The following TBC1D14 variants were observed in gnomAD, a reference collection of about 807,000 sequenced individuals.
TBC1D14 encodes TBC1 domain family, member 14.
Under a neutral mutation model 79.0 loss-of-function variants are expected in TBC1D14, and 26 were observed. The ratio of observed to expected loss-of-function variants is 0.33; its 90% CI spans 0.24 to 0.46. The LOEUF (loss-of-function observed/expected upper bound fraction) is 0.46. Ranked by LOEUF, TBC1D14 falls within the 20% of genes least tolerant of loss-of-function variation. The probability of loss-of-function intolerance (pLI) is 1.00; values close to 1 mark genes in which losing one functional copy is unlikely to be tolerated. For missense variants in TBC1D14, 769 were observed against 887.6 expected (o/e 0.87, Z 1.70); for synonymous variants, 394 against 349.9 (o/e 1.13, Z -1.40).
intron 12 of TBC1D14, among the ~76,000 whole-genome samples, chr4:7,021,443 TA>T (rs1228113143): frequency 3.3e-5 from 5 of 152,008 alleles, no homozygotes. Context: ...ACAAATAACT[TA>T]AAAATTAGCC....
At chr4:7,000,659 A>T (rs1719575320) in intron 6 of TBC1D14, among the ~76,000 whole-genome samples, 1 of 152,196 alleles carries the variant, frequency 6.6e-6, no homozygotes, top group Non-Finnish European at 1.5e-5. Flanking sequence ...AGAACTTGCC[A>T]GCTCACATCT....
chr4:6,969,888 A>G (rs775955651), intron 3 of TBC1D14, among the ~76,000 whole-genome samples: 9 of 152,160 alleles, frequency 5.9e-5, no homozygotes, highest in Non-Finnish European at 1.0e-4. Context: ...GAGTCATTCA[A>G]TCCTGCCCGG....
intron 2 of TBC1D14, among the ~76,000 whole-genome samples, chr4:6,957,959 T>TTA (rs33914152): frequency 6.6e-6 from 1 of 151,548 alleles, no homozygotes; most frequent in Non-Finnish European, 1.5e-5. Context: ...TTTTTTTTTT[T>TTA]ATGGGCTGTT....
intron 2 of TBC1D14, among the ~76,000 whole-genome samples, chr4:6,964,078 G>A (rs566616244): frequency 7.2e-5 from 11 of 152,276 alleles, no homozygotes; most frequent in Admixed American, 4.6e-4. Context: ...TTACAGGTGT[G>A]AGCCACCGTG....
At chr4:6,973,632 T>C (rs1433222624) in intron 3 of TBC1D14, among the ~76,000 whole-genome samples, 7 of 151,954 alleles carry the variant, frequency 4.6e-5, no homozygotes, top group Non-Finnish European at 7.4e-5. Flanking sequence ...TACCACTGGA[T>C]TGGTACTGAG....
chr4:7,025,197 G>A lies in TBC1D14; in HGVS notation c.1951G>A (p.Ala651Thr), dbSNP rs1274993536. Residue 651 changes from alanine to threonine, a missense_variant, in exon 13 of 14, where the codon GCC becomes ACC. This residue lies in a region of TBC1D14 where 367 missense variants were observed against 494.4 expected (regional missense o/e 0.74). Transcript: ENST00000409757. The part of the protein sequence containing the change: ...FLTRLPEDLP[A>T]EELFASIATI... The stretch of plus-strand genomic sequence containing the variant: ...GACCCGGCTGCCCGAGGACCTGCCC[G>A]CCGAGGAGCTGTTTGCCTCCATCGC... The A allele has an allele frequency of 5.0e-6, 8 of 1,614,074 alleles. No homozygotes were observed. The highest frequency in any genetic ancestry group is 2.2e-5 in the East Asian group (1 of 44,892).
At chr4:6,991,616 G>A (rs1000303443) in intron 3 of TBC1D14, among the ~76,000 whole-genome samples, 2 of 152,160 alleles carry the variant, frequency 1.3e-5, no homozygotes, top group African/African-American at 4.8e-5. Context: ...ACAGCTTTGC[G>A]CTGGTGAGGT....
At chr4:6,988,245 C>G (rs2109125971) in intron 3 of TBC1D14, among the ~76,000 whole-genome samples, 1 of 152,354 alleles carries the variant, frequency 6.6e-6, no homozygotes, top group Non-Finnish European at 1.5e-5. Flanking sequence ...GTTTCGTGCC[C>G]TTTTCCACAA....
intron 3 of TBC1D14, among the ~76,000 whole-genome samples, chr4:6,984,659 T>C (rs966898260): frequency 6.6e-6 from 1 of 152,254 alleles, no homozygotes; most frequent in African/African-American, 2.4e-5. Flanking sequence ...GATGGTTTCA[T>C]GTCTGCCCTC....
At chr4:7,013,686 C>T (rs1332574624) in intron 11 of TBC1D14, among the ~76,000 whole-genome samples, 2 of 151,508 alleles carry the variant, frequency 1.3e-5, no homozygotes, top group African/African-American at 2.4e-5. Flanking sequence ...AGACATGAGT[C>T]GTGTAGCCCC....
At chr4:6,942,135 A>G (rs183381373) in intron 2 of TBC1D14, among the ~76,000 whole-genome samples, 7 of 152,364 alleles carry the variant, frequency 4.6e-5, no homozygotes, top group Admixed American at 3.3e-4. Context: ...TCATAGAATA[A>G]TGCAGTAATT....
chr4:7,023,848 C>T (rs986007688), intron 12 of TBC1D14, among the ~76,000 whole-genome samples: 4 of 152,238 alleles, frequency 2.6e-5, no homozygotes, highest in Non-Finnish European at 5.9e-5. Flanking sequence ...GCCCGGTGTG[C>T]GCCCAGCTTC....
intron 12 of TBC1D14, among the ~76,000 whole-genome samples, chr4:7,015,754 T>C (rs544058285): frequency 1.3e-5 from 2 of 152,136 alleles, no homozygotes; most frequent in Non-Finnish European, 2.9e-5. Context: ...CATTATTGCC[T>C]TGTGGTCTTG....
At chr4:6,923,315 G>A (rs1724012474) in intron 1 of TBC1D14, 58 bp from the exon 2 acceptor site, 2 of 1,522,846 alleles carry the variant, frequency 1.3e-6, no homozygotes, top group Non-Finnish European at 1.8e-6. Context: ...GTGTGTCAGA[G>A]GTGTGGCATC....
chr4:6,920,266 C>G (rs1723744870), intron 1 of TBC1D14, among the ~76,000 whole-genome samples: 1 of 151,406 alleles, frequency 6.6e-6, no homozygotes. Context: ...TTAGTCCCCT[C>G]CCTTTCTCTC....
chr4:6,920,145 A>G (rs1384538216), intron 1 of TBC1D14, among the ~76,000 whole-genome samples: 1 of 152,196 alleles, frequency 6.6e-6, no homozygotes, highest in African/African-American at 2.4e-5. Flanking sequence ...ATATTTATAT[A>G]TAGTTGAGTC....
chr4:6,970,580 T>C (rs953132316), intron 3 of TBC1D14, among the ~76,000 whole-genome samples: 11 of 152,276 alleles, frequency 7.2e-5, no homozygotes, highest in African/African-American at 2.7e-4. Flanking sequence ...TACTGAGCCA[T>C]GTTGAGGCCA....
rs1560378740 is a variant in TBC1D14, at chr4:7,031,342, A to G, written c.*950A>G. ...TCCTCTCTGCCTTTGAGCCCTGCACAGCTGGACCCATCCTAAGTGCCAGTG... is the reference window on the plus strand; with the variant it reads ...TCCTCTCTGCCTTTGAGCCCTGCACGGCTGGACCCATCCTAAGTGCCAGTG... On this transcript the variant is annotated 3_prime_UTR_variant, in exon 14 of 14. Transcript: ENST00000409757. 6.6e-6 allele frequency: 1 copy of G among 152,312 alleles called. No homozygotes were observed. Among genetic ancestry groups the G allele is most frequent in the Non-Finnish European group, 1.5e-5 (1 of 68,110 alleles). The allele number at this position is 152,312 out of a possible 1,614,324, so 9.4% of individuals were successfully genotyped here.
intron 2 of TBC1D14, among the ~76,000 whole-genome samples, chr4:6,933,178 G>A (rs959773124): frequency 1.6e-4 from 24 of 146,692 alleles, no homozygotes; most frequent in Non-Finnish European, 2.5e-4. Context: ...TCTCTTCCCA[G>A]AGAGAACACT....
Sources: gnomAD v4.1 joint callset for allele counts (sites outside exome capture counted in the v4.1 genomes callset) on GRCh38, gnomAD v4.1.1 for gene constraint, gnomAD v4.1.1 regional missense constraint, MANE v1.5 for transcripts, NCBI Gene and HGNC (gene_info 2026-07-23, HGNC 2026-07-21) for gene names.